The following PDS5A variants were observed in gnomAD, a reference collection of about 807,000 sequenced individuals.
The protein encoded by PDS5A is sister chromatid cohesion protein PDS5 homolog A.
PDS5A carries 42 observed loss-of-function variants against 167.1 expected under a neutral mutation model. The observed-to-expected ratio is 0.25, with a 90% CI of 0.20 to 0.33. The LOEUF (loss-of-function observed/expected upper bound fraction) is 0.33, where lower values mean the gene tolerates loss of function less well. Ranked by LOEUF, PDS5A falls within the 10% of genes least tolerant of loss-of-function variation. The pLI is 1.00. For synonymous variants in PDS5A, 553 were observed against 554.6 expected, an observed-to-expected ratio of 1.00 and a Z score of 0.04; for missense variants, 1,033 against 1,605.9, an observed-to-expected ratio of 0.64 and a Z score of 6.10.
At chr4:39,826,270 TTCTCACCTCC>T (rs1578553469) in intron 32 of PDS5A, among the ~76,000 whole-genome samples, 1 of 151,694 alleles carries the variant, frequency 6.6e-6, no homozygotes, top group African/African-American at 2.4e-5. Context: ...CATGGCCTCT[TTCTCACCTCC>T]TCTCACCTAC....
chr4:39,951,892 C>CT (rs1039211182), intron 2 of PDS5A, among the ~76,000 whole-genome samples: 1 of 86,876 alleles, frequency 1.2e-5, no homozygotes. Context: ...AGAGCAGAGT[C>CT]TGTCTCAAAA....
At chr4:39,943,123 TAC>T (rs35361618) in intron 2 of PDS5A, among the ~76,000 whole-genome samples, 10,626 of 144,686 alleles carry the variant, frequency 0.073, 466 homozygotes, top group African/African-American at 0.15. Context: ...ACTATGCAAA[TAC>T]ACACACACAC....
At chr4:39,900,238 GAAAAT>G (rs1722762791) in intron 14 of PDS5A, among the ~76,000 whole-genome samples, 183 bp downstream of exon 14, 1 of 152,078 alleles carries the variant, frequency 6.6e-6, no homozygotes. Context: ...GCTCACACTA[GAAAAT>G]AAGAGTTTGT....
rs756035873 is a variant in PDS5A, at chr4:39,928,055, T to C, written c.248A>G (p.Asn83Ser). ...LASEFFLRNP[N>S]KDVRLLVACC... ...TGCTACAAGGAGACGCACATCTTTA[T>C]TGGGGTTCCTGAGGAAGAATTCAGA... The change falls in exon 3 of 33, where the codon AAT (asparagine) becomes AGT (serine). Residue 83 changes from asparagine to serine, a missense_variant. Physicochemically the swap from Asn to Ser is conservative, Grantham distance 46 (BLOSUM62 1). Transcript: ENST00000303538. 36 of 1,613,542 alleles carry C rather than the reference T, an allele frequency of 2.2e-5. No homozygotes were observed. The highest frequency in any genetic ancestry group is 4.5e-5 in the East Asian group (2 of 44,870).
At chr4:39,914,155 CA>C (rs1338509232) in intron 8 of PDS5A, among the ~76,000 whole-genome samples, 2 of 143,456 alleles carry the variant, frequency 1.4e-5, no homozygotes, top group Non-Finnish European at 3.0e-5. Context: ...TTTTGATATA[CA>C]AATTTGTTTT....
chr4:39,853,207 T>C (rs1331566360), intron 26 of PDS5A, among the ~76,000 whole-genome samples: 2 of 152,174 alleles, frequency 1.3e-5, no homozygotes, highest in African/African-American at 4.8e-5. Context: ...TCTCAACATT[T>C]TAATCACTTT....
chr4:39,860,292 T>G (rs188365606), intron 26 of PDS5A, among the ~76,000 whole-genome samples: 1 of 151,456 alleles, frequency 6.6e-6, no homozygotes, highest in East Asian at 2.0e-4. Flanking sequence ...TGGTGAAAAC[T>G]GGTCTCTACT....
intron 32 of PDS5A, 96 bp downstream of exon 32, chr4:39,837,760 A>T: frequency 1.2e-6 from 1 of 841,488 alleles, no homozygotes; most frequent in Non-Finnish European, 1.8e-6. Flanking sequence ...TTTCTCTCTC[A>T]AATGCTTAGG....
chr4:39,920,962 T>G (rs1487508537), intron 6 of PDS5A, among the ~76,000 whole-genome samples: 1 of 152,108 alleles, frequency 6.6e-6, no homozygotes, highest in Admixed American at 6.6e-5. Context: ...CCTTAGAAAA[T>G]ATATTATTTA....
At chr4:39,969,145 T>A (rs1344897155) in intron 2 of PDS5A, among the ~76,000 whole-genome samples, 2 of 152,242 alleles carry the variant, frequency 1.3e-5, no homozygotes, top group Non-Finnish European at 2.9e-5. Context: ...TTTAGTATGG[T>A]TTTAATATTT....
chr4:39,956,110 T>G (rs1488210492), intron 2 of PDS5A, among the ~76,000 whole-genome samples: 1 of 149,440 alleles, frequency 6.7e-6, no homozygotes, highest in Admixed American at 6.7e-5. Context: ...AGACTGAGAC[T>G]GCCTCTCAAA....
In PDS5A at chr4:39,866,729, T is replaced by C. The variant is rs182721774; in HGVS notation, c.2642+132A>G. The C allele has an allele frequency of 1.7e-4, 116 of 698,928 alleles. No individual in the cohort carries two copies. The African/African-American group carries it at 1.9e-3, about 11-fold the overall frequency. The allele number at this position is 698,928 out of a possible 1,614,324, so 43.3% of individuals were successfully genotyped here. On this transcript the variant is annotated intron_variant, in intron 23 of 32. Coordinates refer to ENST00000303538, the MANE Select transcript of PDS5A (RefSeq NM_001100399.2). ...TACTGACAGACAGACAAACCCTAAA[T>C]GAGTACATAAGATCTGACCCTGAAG...
chr4:39,960,072 AAC>A (rs1340365338), intron 2 of PDS5A, among the ~76,000 whole-genome samples: 2 of 151,850 alleles, frequency 1.3e-5, no homozygotes, highest in African/African-American at 4.8e-5. Context: ...CAGCCTGGGC[AAC>A]AGAGTGAGAC....
intron 17 of PDS5A, among the ~76,000 whole-genome samples, chr4:39,880,128 C>T (rs1047252102): frequency 1.3e-5 from 2 of 151,826 alleles, no homozygotes; most frequent in Non-Finnish European, 1.5e-5. Flanking sequence ...TCCATATATA[C>T]AGAGATCATT....
At chr4:39,898,857 T>C (rs1320164274) in intron 14 of PDS5A, 32 bp from the exon 15 acceptor site, 19 of 1,436,272 alleles carry the variant, frequency 1.3e-5, no homozygotes, top group Non-Finnish European at 1.7e-5. Context: ...AAAGAACAAC[T>C]AGTCATATGT....
At chr4:39,962,861 C>T (rs761162378) in intron 2 of PDS5A, among the ~76,000 whole-genome samples, 1 of 152,088 alleles carries the variant, frequency 6.6e-6, no homozygotes. Context: ...ACTTTGGAGG[C>T]TGAGGCAGGA....
At chr4:39,893,260 T>C (rs1722123636) in intron 16 of PDS5A, among the ~76,000 whole-genome samples, 1 of 152,152 alleles carries the variant, frequency 6.6e-6, no homozygotes, top group Admixed American at 6.5e-5. Context: ...ACCTGAATTC[T>C]AAAGGGAAAG....
intron 17 of PDS5A, among the ~76,000 whole-genome samples, chr4:39,886,318 T>C (rs1214610609): frequency 6.6e-6 from 1 of 152,204 alleles, no homozygotes; most frequent in African/African-American, 2.4e-5. Context: ...TCCATGTAAA[T>C]GTTAGGATTG....
At chr4:39,876,902 C>A in intron 19 of PDS5A, 91 bp downstream of exon 19, 1 of 924,226 alleles carries the variant, frequency 1.1e-6, no homozygotes, top group East Asian at 2.7e-5. Flanking sequence ...TTTCTTCCCT[C>A]CTATCTTCCT....
Sources: gnomAD v4.1 joint callset for allele counts (sites outside exome capture counted in the v4.1 genomes callset) on GRCh38, gnomAD v4.1.1 for gene constraint, MANE v1.5 for transcripts, NCBI Gene and HGNC (gene_info 2026-07-23, HGNC 2026-07-21) for gene names.